Variants in RNPEP observed in about 807,000 individuals in gnomAD.
The protein encoded by RNPEP is arginyl aminopeptidase, also known as aminopeptidase B.
RNPEP carries 57 observed loss-of-function variants against 70.1 expected under a neutral mutation model. The observed-to-expected ratio is 0.81, with a 90% confidence interval of 0.66 to 1.01. RNPEP has a LOEUF of 1.01. Among genes scored for constraint, RNPEP ranks in the 50% least tolerant of loss-of-function variants. The pLI, the probability that RNPEP is intolerant of heterozygous loss-of-function variation, is 0.00. For missense variants in RNPEP, 787 were observed against 852.4 expected, an observed-to-expected ratio of 0.92 and a Z score of 0.96; for synonymous variants, 335 against 357.4, an observed-to-expected ratio of 0.94 and a Z score of 0.71.
chr1:201,991,192 A>G (rs6667090), intron 3 of RNPEP, among the ~76,000 whole-genome samples: 37,053 of 151,926 alleles, frequency 0.24, 5,156 homozygotes, highest in Non-Finnish European at 0.32. Context: ...TTGGCTCACC[A>G]CAACCTCCGC....
chr1:202,001,589 AC>A, intron 7 of RNPEP, 69 bp from the exon 8 acceptor site: 5 of 1,438,838 alleles, frequency 3.5e-6, no homozygotes, highest in Non-Finnish European at 4.9e-6. Flanking sequence ...TTGGAGGAGG[AC>A]CCAGGACACA....
chr1:201,998,279 C>T (rs1683646019), intron 5 of RNPEP, among the ~76,000 whole-genome samples: 1 of 132,302 alleles, frequency 7.6e-6, no homozygotes, highest in African/African-American at 3.0e-5. Flanking sequence ...TGTTGCCAGG[C>T]TGGAGTGCAG....
rs572596103 is a variant in RNPEP, at chr1:201,992,516, T to A, written c.737+2985T>A. ...CCTGACTCTGCTAACCTTCCAGCTC[T>A]CTGACGGCCTCTCTCCCACTATATT... On this transcript the variant is annotated intron_variant, in intron 3 of 10. Transcript: ENST00000295640. Among the ~76,000 whole-genome samples the A allele has an allele frequency of 5.3e-5, 8 of 152,244 alleles. No homozygotes were observed. The South Asian group carries it at 1.7e-3, about 32-fold the overall frequency.
At chr1:201,995,895 G>A (rs865964036) in intron 3 of RNPEP, 36 of 420,096 alleles carry the variant, frequency 8.6e-5, no homozygotes, top group African/African-American at 4.8e-4. Flanking sequence ...TTGCAAGATC[G>A]CATTCAGTAG....
At position 202,004,470 on chromosome 1, in the gene RNPEP, A is replaced by T. The variant is rs774602634; in HGVS notation, c.1768A>T (p.Lys590Ter). Residue 590 changes from lysine to a stop codon, truncating the protein, a stop_gained, in exon 10 of 11, where the codon AAA (lysine) becomes TAA (stop). Transcript: ENST00000295640. LOFTEE classifies it high-confidence loss of function. ...LKNDHQEDFW[K>*]VKEFLHNQGK... ...GAACGACCACCAGGAAGATTTCTGG[A>T]AAGTGAAGGAGTTCCTGCATAACCA... 1.1e-5 allele frequency: 17 copies of T among 1,614,002 alleles called. No individual in the cohort carries two copies. Among genetic ancestry groups the T allele is most frequent in the Non-Finnish European group, 1.4e-5 (17 of 1,180,028 alleles).
rs759941972 is a variant in RNPEP, at chr1:202,004,357, A to T, written c.1655A>T (p.Asn552Ile). 6.2e-7 allele frequency: 1 copy of T among 1,614,088 alleles called. No individual in the cohort carries two copies. Among genetic ancestry groups the T allele is most frequent in the Admixed American group, 1.7e-5 (1 of 60,020 alleles). The change falls in exon 10 of 11, where the codon AAT (asparagine) becomes ATT (isoleucine). Residue 552 changes from asparagine (N) to isoleucine (I), a missense_variant. Coordinates refer to ENST00000295640, the MANE Select transcript of RNPEP (RefSeq NM_020216.4). ...ACCATTTCTTTCTCTTCTCCAGGGA[A>T]TGTGAAAAAACTTGGAGACACATAC... ...ILQKSPLPPG[N>I]VKKLGDTYPS...
In RNPEP at chr1:201,999,868, G is replaced by C. The variant is rs3795623; in HGVS notation, c.1091-34G>C. The C allele has an allele frequency of 6.3e-5, 99 of 1,563,566 alleles. No individual in the cohort carries two copies. In the East Asian group the frequency reaches 2.2e-3, roughly 35 times the overall value. On this transcript the variant is annotated intron_variant, in intron 5 of 10. Transcript: ENST00000295640. ...AATACACTTGGATGTGGTGACAGAC[G>C]TTTTCCCGAGGCTTACGTTTGATTC...
At chr1:202,002,839 G>A (rs2102983472) in intron 8 of RNPEP, among the ~76,000 whole-genome samples, 1 of 152,306 alleles carries the variant, frequency 6.6e-6, no homozygotes, top group African/African-American at 2.4e-5. Flanking sequence ...GGTGCAGAGA[G>A]GTGAAGTAAC....
chr1:202,004,873 G>T (rs1163194153), intron 10 of RNPEP, among the ~76,000 whole-genome samples: 1 of 152,242 alleles, frequency 6.6e-6, no homozygotes, highest in African/African-American at 2.4e-5. Context: ...GCTGCCCTGT[G>T]ACTTGGGCAT....
chr1:201,996,814 C>CA (rs966587462), intron 4 of RNPEP, among the ~76,000 whole-genome samples: 3 of 151,392 alleles, frequency 2.0e-5, no homozygotes, highest in Admixed American at 2.0e-4. Flanking sequence ...TTGAGGTGTT[C>CA]AAAATGTGAC....
intron 3 of RNPEP, among the ~76,000 whole-genome samples, chr1:201,990,348 G>A (rs1483316436): frequency 6.6e-6 from 1 of 152,240 alleles, no homozygotes; most frequent in Admixed American, 6.5e-5. Context: ...AGCCTACGGT[G>A]AGAGCAATGC....
chr1:201,997,412 C>T lies in RNPEP; in HGVS notation c.948C>T (p.Asp316=). The T allele has an allele frequency of 6.2e-7, 1 of 1,614,118 alleles. No individual in the cohort carries two copies. The highest frequency in any genetic ancestry group is 8.5e-7 in the Non-Finnish European group (1 of 1,180,024). The change falls in exon 5 of 11, where the codon GAC becomes GAT. Residue 316 remains aspartate (D), a synonymous_variant. Coordinates refer to ENST00000295640, the MANE Select transcript of RNPEP (RefSeq NM_020216.4). ...TFVTPCLLAG[D]RSLADVIIHE... is the part of the protein sequence containing the mutation. ...TCACCCCCTGCCTGCTAGCTGGGGA[C>T]CGCTCCTTGGCAGATGTCATCATCC...
chr1:202,003,074 G>C, intron 8 of RNPEP, 163 bp from the exon 9 acceptor site: 1 of 607,108 alleles, frequency 1.6e-6, no homozygotes, highest in Non-Finnish European at 3.0e-6. Flanking sequence ...TTATAACTAG[G>C]ACCCTGCTGG....
intron 8 of RNPEP, 85 bp downstream of exon 8, chr1:202,001,852 G>T: frequency 1.1e-6 from 1 of 924,998 alleles, no homozygotes; most frequent in South Asian, 1.4e-5. Flanking sequence ...GTGGTGGATG[G>T]GAAAACACTG....
At chr1:202,002,613 GAC>G (rs1683872363) in intron 8 of RNPEP, among the ~76,000 whole-genome samples, 1 of 152,222 alleles carries the variant, frequency 6.6e-6, no homozygotes, top group African/African-American at 2.4e-5. Context: ...CGCGTCCTCT[GAC>G]AGTAGGATTG....
chr1:201,989,644 G>A, intron 3 of RNPEP, 113 bp downstream of exon 3: 2 of 1,106,220 alleles, frequency 1.8e-6, no homozygotes, highest in South Asian at 3.0e-5. Flanking sequence ...CTCTGTCTGA[G>A]TCCAGAGCCT....
intron 5 of RNPEP, 92 bp from the exon 6 acceptor site, chr1:201,999,810 C>G: frequency 2.1e-6 from 2 of 971,594 alleles, no homozygotes; most frequent in Non-Finnish European, 1.6e-6. Flanking sequence ...TTCTTGAGGC[C>G]ACAAGGAGGC....
chr1:201,984,313 G>A (rs1346240293), intron 1 of RNPEP, among the ~76,000 whole-genome samples: 5 of 152,168 alleles, frequency 3.3e-5, no homozygotes, highest in Non-Finnish European at 7.3e-5. Context: ...GTCTGAAAAG[G>A]TGGGACAACT....
At chr1:201,984,754 T>C (rs1683063557) in intron 1 of RNPEP, among the ~76,000 whole-genome samples, 1 of 151,816 alleles carries the variant, frequency 6.6e-6, no homozygotes, top group South Asian at 2.1e-4. Flanking sequence ...CATAAGTGGT[T>C]AATATGGTGC....
Sources: allele counts gnomAD v4.1 joint callset (sites outside exome capture counted in the v4.1 genomes callset), GRCh38; gene constraint gnomAD v4.1.1; transcripts MANE v1.5; gene names NCBI Gene and HGNC (gene_info 2026-07-23, HGNC 2026-07-21).